CAMK1D: variants seen among roughly 807,000 people sequenced by gnomAD.
CAMK1D encodes calcium/calmodulin-dependent protein kinase type 1D.
Under a neutral mutation model 47.7 loss-of-function variants are expected in CAMK1D, and 9 were observed. That is an observed-to-expected ratio of 0.19 (90% CI 0.11 to 0.33). CAMK1D has a LOEUF of 0.33. Among genes scored for constraint, CAMK1D ranks in the 10% least tolerant of loss-of-function variants. CAMK1D has a pLI of 1.00. For synonymous variants in CAMK1D, 184 were observed against 184.9 expected (o/e 0.99, Z 0.04); for missense variants, 291 against 488.7 (o/e 0.60, Z 3.81).
intron 1 of CAMK1D, among the ~76,000 whole-genome samples, chr10:12,486,465 G>A (rs1052707331): frequency 3.3e-5 from 5 of 151,932 alleles, no homozygotes; most frequent in African/African-American, 1.2e-4. Flanking sequence ...GCGGGGACTT[G>A]TCAGTCTCTT....
At chr10:12,716,155 A>G (rs2130769491) in intron 3 of CAMK1D, among the ~76,000 whole-genome samples, 1 of 152,274 alleles carries the variant, frequency 6.6e-6, no homozygotes, top group East Asian at 1.9e-4. Flanking sequence ...ACCGCCTCGC[A>G]CTTTATCTCT....
At position 12,623,455 on chromosome 10, in the gene CAMK1D, C is replaced by G. The variant is rs764450719; in HGVS notation, c.225-43281C>G. Among the ~76,000 whole-genome samples, 13 of 64,280 alleles carry G rather than the reference C, an allele frequency of 2.0e-4. 4 individuals are homozygous for G. Among genetic ancestry groups the G allele is most frequent in the Non-Finnish European group, 2.2e-4 (7 of 31,192 alleles). The allele number at this position is 64,280 out of a possible 152,430, so 42.2% of individuals were successfully genotyped here. A position where few individuals can be genotyped will look rare whatever the true frequency, so the allele number is the denominator to read the frequency against. On this transcript the variant is annotated intron_variant, in intron 2 of 10. Transcript: ENST00000619168. ...TCCCTCCCTTCTTTCCTTCCTTCCT[C>G]CCTCCCTCTCTCCCTCCCTCCTTCC...
chr10:12,761,585 A>G (rs1366239294), intron 4 of CAMK1D, among the ~76,000 whole-genome samples: 1 of 152,122 alleles, frequency 6.6e-6, no homozygotes, highest in Non-Finnish European at 1.5e-5. Context: ...AGGGAAAAAG[A>G]CAGGTTAAAA....
chr10:12,814,474 G>A (rs191046319), intron 7 of CAMK1D, among the ~76,000 whole-genome samples, 167 bp downstream of exon 7: 102 of 152,260 alleles, frequency 6.7e-4, no homozygotes, highest in African/African-American at 2.3e-3. Context: ...GGCTCAAACA[G>A]CAAACATTTA....
chr10:12,491,484 G>A (rs1031714336), intron 1 of CAMK1D, among the ~76,000 whole-genome samples: 3 of 151,810 alleles, frequency 2.0e-5, no homozygotes, highest in South Asian at 4.2e-4. Flanking sequence ...ATATTTTTTT[G>A]TTGTGAGGGG....
chr10:12,447,066 T>C (rs553445225), intron 1 of CAMK1D, among the ~76,000 whole-genome samples: 42 of 152,250 alleles, frequency 2.8e-4, no homozygotes, highest in Non-Finnish European at 5.4e-4. Context: ...CGAAACTCAG[T>C]GTTTGGGTCT....
chr10:12,792,073 A>T (rs1255068369), intron 6 of CAMK1D, among the ~76,000 whole-genome samples: 3 of 152,236 alleles, frequency 2.0e-5, no homozygotes, highest in African/African-American at 7.2e-5. Flanking sequence ...ATAGCTAATT[A>T]AGCCTCTTTT....
intron 1 of CAMK1D, among the ~76,000 whole-genome samples, chr10:12,361,787 C>G (rs780591069): frequency 6.6e-6 from 1 of 151,650 alleles, no homozygotes; most frequent in Non-Finnish European, 1.5e-5. Flanking sequence ...ATCTCCTGAC[C>G]TCAAATGACC....
chr10:12,361,248 GTTTT>G (rs55700646), intron 1 of CAMK1D, among the ~76,000 whole-genome samples: 6 of 120,076 alleles, frequency 5.0e-5, no homozygotes, highest in Admixed American at 1.7e-4. Context: ...CTATTTGACT[GTTTT>G]TTTTTTTTTT....
At chr10:12,826,738 T>A (rs574888456) in intron 10 of CAMK1D, among the ~76,000 whole-genome samples, 8 of 152,350 alleles carry the variant, frequency 5.3e-5, no homozygotes, top group African/African-American at 1.9e-4. Context: ...CATCCAGCCC[T>A]TAAATTTTCC....
chr10:12,563,502 A>G (rs988364223), intron 2 of CAMK1D, among the ~76,000 whole-genome samples: 21 of 152,192 alleles, frequency 1.4e-4, no homozygotes, highest in African/African-American at 5.1e-4. Context: ...TCTTCCAGAA[A>G]TTCCCTCACA....
At chr10:12,619,070 T>C (rs1838910606) in intron 2 of CAMK1D, among the ~76,000 whole-genome samples, 1 of 152,232 alleles carries the variant, frequency 6.6e-6, no homozygotes, top group African/African-American at 2.4e-5. Context: ...ATTGAATCTT[T>C]GCATGTAGCA....
intron 2 of CAMK1D, among the ~76,000 whole-genome samples, chr10:12,592,646 T>C (rs2132365979): frequency 6.6e-6 from 1 of 152,286 alleles, no homozygotes; most frequent in East Asian, 1.9e-4. Flanking sequence ...CCAAACATAC[T>C]GAAATCACAA....
intron 1 of CAMK1D, among the ~76,000 whole-genome samples, chr10:12,523,121 C>T (rs1237276731): frequency 6.7e-6 from 1 of 149,848 alleles, no homozygotes; most frequent in Admixed American, 6.6e-5. Flanking sequence ...GGCGGCTGGG[C>T]AGAGACGCTC....
At position 12,818,131 on chromosome 10, in the gene CAMK1D, C is replaced by T. The variant is rs555985747; in HGVS notation, c.833+1803C>T. 9.2e-5 allele frequency among the ~76,000 whole-genome samples: 14 copies of T among 152,252 alleles called. No homozygotes were observed. In the East Asian group the frequency reaches 9.7e-4, roughly 11 times the overall value. On this transcript the variant is annotated intron_variant, in intron 8 of 10. Transcript: ENST00000619168. ...CCTAAAAATTACTCCAGAAAACCAT[C>T]CCCCTGTGTGCCCCGCCATCCTCTG...
intron 10 of CAMK1D, chr10:12,826,146 A>T (rs1363994968): frequency 6.2e-6 from 1 of 160,170 alleles, no homozygotes; most frequent in Non-Finnish European, 1.4e-5. Context: ...CAAAAAAAAA[A>T]AAGAAAAATC....
intron 1 of CAMK1D, among the ~76,000 whole-genome samples, chr10:12,423,964 G>A (rs1840141270): frequency 6.6e-6 from 1 of 152,108 alleles, no homozygotes; most frequent in African/African-American, 2.4e-5. Context: ...GCGTTGTTCG[G>A]TCCCCCCATC....
intron 1 of CAMK1D, among the ~76,000 whole-genome samples, chr10:12,495,465 A>G (rs1201000961): frequency 6.6e-6 from 1 of 152,238 alleles, no homozygotes; most frequent in African/African-American, 2.4e-5. Context: ...CTGTTTTAAT[A>G]GGTCAGTTTT....
At chr10:12,827,068 G>A (rs552169735) in intron 10 of CAMK1D, among the ~76,000 whole-genome samples, 1 of 152,320 alleles carries the variant, frequency 6.6e-6, no homozygotes, top group South Asian at 2.1e-4. Flanking sequence ...GCCAGGGACT[G>A]CTGAGCTCAC....
Sources: allele counts gnomAD v4.1 joint callset (sites outside exome capture counted in the v4.1 genomes callset), GRCh38; gene constraint gnomAD v4.1.1; transcripts MANE v1.5; gene names NCBI Gene and HGNC (gene_info 2026-07-23, HGNC 2026-07-21).